The following DNAH9 variants were observed in gnomAD, a reference collection of about 807,000 sequenced individuals.
DNAH9 encodes the protein DNAH9 variant protein.
DNAH9 carries 345 observed loss-of-function variants against 471.6 expected under a neutral mutation model. The observed-to-expected ratio is 0.73, with a 90% CI of 0.67 to 0.80. The LOEUF is 0.80. DNAH9 is among the 30% of genes least tolerant of loss of function. The probability of loss-of-function intolerance (pLI) is 0.00; values close to 1 mark genes in which losing one functional copy is unlikely to be tolerated. For missense variants in DNAH9, 5,407 were observed against 5,609.2 expected (o/e 0.96, Z 1.15); for synonymous variants, 2,093 against 2,123.6 (o/e 0.99, Z 0.40).
At chr17:11,625,030 C>T (rs2072944433) in intron 6 of DNAH9, among the ~76,000 whole-genome samples, 1 of 151,802 alleles carries the variant, frequency 6.6e-6, no homozygotes, top group African/African-American at 2.4e-5. Flanking sequence ...GTTGGGTTGC[C>T]TCTTGATTCC....
At chr17:11,859,204 G>A (rs1971738736) in intron 50 of DNAH9, among the ~76,000 whole-genome samples, 1 of 151,824 alleles carries the variant, frequency 6.6e-6, no homozygotes, top group Admixed American at 6.6e-5. Context: ...CCTGAGCTCA[G>A]GAGTTTGAGA....
In DNAH9 at chr17:11,807,787, G is replaced by C; in HGVS notation, c.8476G>C (p.Val2826Leu). 6.2e-7 allele frequency: 1 copy of C among 1,614,104 alleles called. No individual in the cohort carries two copies. Among genetic ancestry groups the C allele is most frequent in the Non-Finnish European group, 8.5e-7 (1 of 1,179,950 alleles). Residue 2826 changes from valine to leucine, a missense_variant, in exon 44 of 69, where the codon GTA becomes CTA. Around this residue, in one of 3 missense-constraint regions of DNAH9, gnomAD observed 4,636 missense variants for 4,900.3 expected, o/e 0.95. Transcript: ENST00000262442. ...SPRGNALLVG[V>L]GGSGKQSLTR... The stretch of plus-strand genomic sequence containing the variant: ...GCGGGGAAATGCTCTGCTGGTTGGT[G>C]TAGGTGGGAGCGGCAAGCAGAGCCT...
chr17:11,892,168 T>C lies in DNAH9; in HGVS notation c.11283+221T>C, dbSNP rs1973073419. Among the ~76,000 whole-genome samples, 1 of 152,170 alleles carries C rather than the reference T, an allele frequency of 6.6e-6. No individual in the cohort carries two copies. Among genetic ancestry groups the C allele is most frequent in the Non-Finnish European group, 1.5e-5 (1 of 68,032 alleles). On this transcript the variant is annotated intron_variant, in intron 58 of 68. Transcript: ENST00000262442. The surrounding 1 kb of genome is among the most constrained non-coding windows in gnomAD (Gnocchi z 4.3). Reference sequence around the variant, plus strand: ...ATACTTAATCCATCATTGTACTTTTTCTTGCTGATCCTGGAAGATCTAAGA... The same window carrying C: ...ATACTTAATCCATCATTGTACTTTTCCTTGCTGATCCTGGAAGATCTAAGA...
intron 50 of DNAH9, among the ~76,000 whole-genome samples, chr17:11,867,579 CT>C (rs1972105948): frequency 6.6e-6 from 1 of 152,130 alleles, no homozygotes. Flanking sequence ...GTTGCAGTTG[CT>C]GTTTTTGTTG....
At chr17:11,832,871 C>T (rs184458066) in intron 48 of DNAH9, among the ~76,000 whole-genome samples, 7 of 152,170 alleles carry the variant, frequency 4.6e-5, no homozygotes, top group Non-Finnish European at 7.4e-5. Context: ...ATACAAATAG[C>T]TTCTTTACTT....
At chr17:11,743,063 G>T (rs1167778036) in intron 30 of DNAH9, among the ~76,000 whole-genome samples, 1 of 152,052 alleles carries the variant, frequency 6.6e-6, no homozygotes, top group Admixed American at 6.6e-5. Flanking sequence ...TACATTCAGT[G>T]ATCTGTACCA....
Position 11,598,930 on chromosome 17 carries a change from G to A in DNAH9, c.417+15G>A. 1.4e-6 allele frequency: 2 copies of A among 1,477,822 alleles called. No homozygotes were observed. Among genetic ancestry groups the A allele is most frequent in the Non-Finnish European group, 1.8e-6 (2 of 1,117,796 alleles). 91.5% of individuals were successfully genotyped at this position (1,477,822 alleles called of 1,614,324 possible). On this transcript the variant is annotated intron_variant, in intron 1 of 68. Coordinates refer to ENST00000262442, the MANE Select transcript of DNAH9 (RefSeq NM_001372.4). ...TGTTCTCGGAGGTGAGGGTGGGTTA[G>A]TGTCCCCGCGCGGCTAAAGCTGGGT...
In DNAH9 at chr17:11,740,954, T is replaced by C. The variant is rs1287338639; in HGVS notation, c.5973-1221T>C. Among the ~76,000 whole-genome samples, 9 of 148,662 alleles carry C rather than the reference T, an allele frequency of 6.1e-5. No individual in the cohort carries two copies. In the East Asian group the frequency reaches 1.6e-3, roughly 27 times the overall value. ...AATTGGGATCAGACTATATATAGTTTAGTATCCTACTTTCATTAACTAATG... is the reference window on the plus strand; with the variant it reads ...AATTGGGATCAGACTATATATAGTTCAGTATCCTACTTTCATTAACTAATG... On this transcript the variant is annotated intron_variant, in intron 29 of 68. Transcript: ENST00000262442.
intron 16 of DNAH9, 40 bp from the exon 17 acceptor site, chr17:11,669,330 A>T (rs1206246614): frequency 6.3e-7 from 1 of 1,597,614 alleles, no homozygotes; most frequent in Non-Finnish European, 8.5e-7. Context: ...TTCCTGCCAC[A>T]CACTGGTGTA....
chr17:11,826,455 GTTTTTT>G (rs36037678), intron 48 of DNAH9, among the ~76,000 whole-genome samples: 57 of 78,986 alleles, frequency 7.2e-4, no homozygotes, highest in African/African-American at 2.8e-3. Context: ...CTTTTTCTTG[GTTTTTT>G]TTTTTTTTTT....
chr17:11,957,696 A>C (rs73300422), intron 67 of DNAH9, among the ~76,000 whole-genome samples: 120 of 152,306 alleles, frequency 7.9e-4, no homozygotes, highest in African/African-American at 2.7e-3. Flanking sequence ...GAGACAGAAA[A>C]CTTACAGACA....
rs997623139 is a variant in DNAH9, at chr17:11,801,165, G to GA, written c.8420+3374dup. Among the ~76,000 whole-genome samples, 86 of 152,190 alleles carry GA rather than the reference G, an allele frequency of 5.7e-4. 3 individuals carry two copies. The highest frequency in any genetic ancestry group is 1.9e-3 in the African/African-American group (77 of 41,434). ...TGAGGAAACTGAGACTGAGAGGAGA[G>GA]AAGTTGCCTAAGGTCACACTCCTCA... On this transcript the variant is annotated intron_variant, in intron 43 of 68. Coordinates refer to ENST00000262442, the MANE Select transcript of DNAH9 (RefSeq NM_001372.4).
At chr17:11,861,414 C>T (rs1296632781) in intron 50 of DNAH9, among the ~76,000 whole-genome samples, 3 of 151,878 alleles carry the variant, frequency 2.0e-5, no homozygotes, top group South Asian at 2.1e-4. Context: ...TTTCTTAATC[C>T]AGTCTATCAT....
At chr17:11,953,163 ATT>A (rs952286495) in intron 67 of DNAH9, among the ~76,000 whole-genome samples, 9 of 152,092 alleles carry the variant, frequency 5.9e-5, no homozygotes, top group African/African-American at 2.2e-4. Context: ...CAACATATGA[ATT>A]TGCCAGGTAC....
At chr17:11,874,370 A>G (rs2150988407) in intron 52 of DNAH9, among the ~76,000 whole-genome samples, 1 of 152,324 alleles carries the variant, frequency 6.6e-6, no homozygotes, top group Admixed American at 6.5e-5. Context: ...TCAGACTGAT[A>G]AATACTCGGC....
intron 52 of DNAH9, 79 bp downstream of exon 52, chr17:11,871,865 C>T: frequency 6.9e-7 from 1 of 1,443,714 alleles, no homozygotes; most frequent in South Asian, 1.2e-5. Flanking sequence ...TAATTCGCAT[C>T]CTCTGGTGTC....
At position 11,933,918 on chromosome 17, in the gene DNAH9, C is replaced by A; in HGVS notation, c.12336C>A (p.Ile4112=). ...YDDLRYLFGE[I]MYGGHITDDW... is the part of the protein sequence containing the mutation. Reference sequence around the variant, plus strand: ...ATTTGCGCTACCTGTTTGGAGAGATCATGTATGGAGGCCATATCACAGATG... The same window carrying A: ...ATTTGCGCTACCTGTTTGGAGAGATAATGTATGGAGGCCATATCACAGATG... Residue 4112 remains isoleucine (I), a synonymous_variant, in exon 65 of 69, where the codon ATC becomes ATA. Coordinates refer to ENST00000262442, the MANE Select transcript of DNAH9 (RefSeq NM_001372.4). 6.2e-7 allele frequency: 1 copy of A among 1,614,050 alleles called. No individual in the cohort carries two copies. Among genetic ancestry groups the A allele is most frequent in the South Asian group, 1.1e-5 (1 of 91,042 alleles).
intron 68 of DNAH9, among the ~76,000 whole-genome samples, chr17:11,964,854 AC>A (rs530164773): frequency 6.6e-6 from 1 of 150,962 alleles, no homozygotes; most frequent in Non-Finnish European, 1.5e-5. Flanking sequence ...CCTGTTCCCC[AC>A]CCCCCCACAA....
At chr17:11,787,801 G>T (rs1968924562) in intron 41 of DNAH9, among the ~76,000 whole-genome samples, 1 of 152,178 alleles carries the variant, frequency 6.6e-6, no homozygotes, top group Non-Finnish European at 1.5e-5. Flanking sequence ...AGTCTCACGA[G>T]ATCTGATGAT....
Sources: allele counts gnomAD v4.1 joint callset (sites outside exome capture counted in the v4.1 genomes callset), GRCh38; gene constraint gnomAD v4.1.1; regional missense constraint gnomAD v4.1.1; non-coding constraint Gnocchi (gnomAD v3.1); transcripts MANE v1.5; gene names NCBI Gene and HGNC (gene_info 2026-07-23, HGNC 2026-07-21).